Variants in ARHGAP15 observed in about 807,000 individuals in gnomAD.
The protein encoded by ARHGAP15 is Rho GTPase activating protein 15, also known as rho GTPase-activating protein 15.
In ARHGAP15, 51 loss-of-function variants were observed where a neutral mutation model predicts 63.7. The ratio of observed to expected loss-of-function variants is 0.80; its 90% CI spans 0.64 to 1.01. The LOEUF (loss-of-function observed/expected upper bound fraction) is 1.01. Among genes scored for constraint, ARHGAP15 ranks in the 50% least tolerant of loss-of-function variants. The probability of loss-of-function intolerance (pLI) is 0.00; values close to 1 mark genes in which losing one functional copy is unlikely to be tolerated. For synonymous variants in ARHGAP15, 191 were observed against 193.8 expected, an observed-to-expected ratio of 0.99 and a Z score of 0.12; for missense variants, 560 against 564.6, an observed-to-expected ratio of 0.99 and a Z score of 0.08.
At chr2:143,560,514 A>G (rs1183368365) in intron 11 of ARHGAP15, among the ~76,000 whole-genome samples, 1 of 152,236 alleles carries the variant, frequency 6.6e-6, no homozygotes, top group Non-Finnish European at 1.5e-5. Context: ...CTCAGAGCCT[A>G]TGCTGCAAAC....
chr2:143,337,888 C>A (rs914248444), intron 6 of ARHGAP15, among the ~76,000 whole-genome samples: 1 of 152,146 alleles, frequency 6.6e-6, no homozygotes, highest in Non-Finnish European at 1.5e-5. Context: ...TTTAGTAATT[C>A]TCTGACTTTT....
Position 143,446,779 on chromosome 2 carries a change from TC to T in ARHGAP15, c.703+9743del, listed in dbSNP as rs1159626327. Among the ~76,000 whole-genome samples, 5 of 64,368 alleles carry T rather than the reference TC, an allele frequency of 7.8e-5. No homozygotes were observed. In the East Asian group the frequency reaches 2.9e-3, roughly 38 times the overall value. 42.2% of individuals were successfully genotyped at this position (64,368 alleles called of 152,430 possible). A position where few individuals can be genotyped will look rare whatever the true frequency, so the allele number is the denominator to read the frequency against. On this transcript the variant is annotated intron_variant, in intron 8 of 13. Transcript: ENST00000295095. Reference sequence around the variant, plus strand: ...ATCTCCCAATGCTATCCCTCCCCCCTCCCCCCACCCCACAACAGTCCCCAGA... The same window carrying T: ...ATCTCCCAATGCTATCCCTCCCCCCTCCCCCACCCCACAACAGTCCCCAGA...
chr2:143,617,725 ATTTG>A (rs1349186496), intron 11 of ARHGAP15, among the ~76,000 whole-genome samples: 3 of 152,184 alleles, frequency 2.0e-5, no homozygotes, highest in Non-Finnish European at 4.4e-5. Flanking sequence ...TGGGTGATAT[ATTTG>A]TTATTTGAGT....
chr2:143,480,725 C>A (rs1313873195), intron 8 of ARHGAP15: 3 of 152,232 alleles, frequency 2.0e-5, no homozygotes, highest in Non-Finnish European at 4.4e-5. Flanking sequence ...TAAGCCCAAA[C>A]TTACCCTTTC....
intron 6 of ARHGAP15, among the ~76,000 whole-genome samples, chr2:143,426,705 G>T (rs1300748875): frequency 6.6e-6 from 1 of 152,138 alleles, no homozygotes; most frequent in Non-Finnish European, 1.5e-5. Context: ...GACCAACTTT[G>T]GGTAGCGAGT....
chr2:143,682,362 A>C (rs1217860099), intron 12 of ARHGAP15, among the ~76,000 whole-genome samples: 1 of 152,182 alleles, frequency 6.6e-6, no homozygotes. Context: ...ACTTAAAACA[A>C]AAATGTGATT....
intron 13 of ARHGAP15, among the ~76,000 whole-genome samples, chr2:143,763,147 A>G (rs1042891657): frequency 1.6e-4 from 25 of 152,218 alleles, no homozygotes; most frequent in Admixed American, 4.6e-4. Flanking sequence ...TATGGTTTCT[A>G]TTGATGTGAG....
chr2:143,227,344 C>T (rs1693249710), intron 4 of ARHGAP15, among the ~76,000 whole-genome samples: 1 of 152,128 alleles, frequency 6.6e-6, no homozygotes, highest in South Asian at 2.1e-4. Flanking sequence ...CAGTCATTGA[C>T]TCAATACATA....
chr2:143,581,698 AG>A (rs980850986), intron 11 of ARHGAP15, among the ~76,000 whole-genome samples: 1 of 152,184 alleles, frequency 6.6e-6, no homozygotes, highest in African/African-American at 2.4e-5. Context: ...AATGAGTTAC[AG>A]GAAAAAAATG....
intron 6 of ARHGAP15, among the ~76,000 whole-genome samples, chr2:143,417,594 C>T (rs1173516655): frequency 1.3e-5 from 2 of 152,120 alleles, no homozygotes; most frequent in Admixed American, 1.3e-4. Flanking sequence ...ACAGGTGAGA[C>T]AGAAGCACCA....
chr2:143,244,576 C>A (rs1693976972), intron 5 of ARHGAP15, among the ~76,000 whole-genome samples: 1 of 152,098 alleles, frequency 6.6e-6, no homozygotes, highest in African/African-American at 2.4e-5. Context: ...TTGGAAACTG[C>A]CACGGATGTA....
chr2:143,407,343 G>T (rs1688242137), intron 6 of ARHGAP15, among the ~76,000 whole-genome samples: 1 of 151,650 alleles, frequency 6.6e-6, no homozygotes. Context: ...ATATTTCTGT[G>T]ATTTTATTTT....
intron 6 of ARHGAP15, among the ~76,000 whole-genome samples, chr2:143,413,964 T>TGCGC (rs1263567075): frequency 2.5e-4 from 17 of 67,052 alleles, no homozygotes; most frequent in African/African-American, 1.1e-3. Context: ...TGTGTGTGTG[T>TGCGC]GTGCGCGCTC....
chr2:143,754,462 C>T (rs1490144973), intron 13 of ARHGAP15, among the ~76,000 whole-genome samples: 1 of 152,160 alleles, frequency 6.6e-6, no homozygotes, highest in African/African-American at 2.4e-5. Flanking sequence ...ATCTCAGTCA[C>T]TCTTCACAGA....
At chr2:143,340,944 T>C (rs1164569201) in intron 6 of ARHGAP15, among the ~76,000 whole-genome samples, 1 of 152,188 alleles carries the variant, frequency 6.6e-6, no homozygotes, top group African/African-American at 2.4e-5. Context: ...TAAATCAGAA[T>C]ACTGAAATGT....
In ARHGAP15 at chr2:143,232,272, A is replaced by C. The variant is rs80142462; in HGVS notation, c.384+3604A>C. On this transcript the variant is annotated intron_variant, in intron 5 of 13. Coordinates refer to ENST00000295095, the MANE Select transcript of ARHGAP15 (RefSeq NM_018460.4). ...ACATTATAAAATACCCAATCCAAAA[A>C]ATAGAAAGGATAAAATTATCAGAAT... 8.6e-3 allele frequency among the ~76,000 whole-genome samples: 1,313 copies of C among 152,262 alleles called. 26 individuals carry two copies. Among genetic ancestry groups the C allele is most frequent in the African/African-American group, 0.03 (1,246 of 41,542 alleles).
chr2:143,673,784 A>ATGTATATATATATGTATATATATAT (rs71404481), intron 12 of ARHGAP15, among the ~76,000 whole-genome samples: 2 of 114,198 alleles, frequency 1.8e-5, no homozygotes, highest in African/African-American at 5.7e-5. Flanking sequence ...ATATATATAT[A>ATGTATATATATATGTATATATATAT]AACAACTCCT....
At chr2:143,438,434 T>G (rs1163275533) in intron 8 of ARHGAP15, among the ~76,000 whole-genome samples, 1 of 152,144 alleles carries the variant, frequency 6.6e-6, no homozygotes, top group Non-Finnish European at 1.5e-5. Flanking sequence ...TTTGCCAAAG[T>G]TGAATTACTG....
intron 11 of ARHGAP15, among the ~76,000 whole-genome samples, chr2:143,581,771 C>T (rs192697802): frequency 2.0e-4 from 30 of 152,260 alleles, no homozygotes; most frequent in African/African-American, 3.1e-4. Context: ...CGCTATTCTC[C>T]GGCATCTCCC....
Sources: gnomAD v4.1 joint callset for allele counts (sites outside exome capture counted in the v4.1 genomes callset) on GRCh38, gnomAD v4.1.1 for gene constraint, MANE v1.5 for transcripts, NCBI Gene and HGNC (gene_info 2026-07-23, HGNC 2026-07-21) for gene names.